The following ZNF304 variants were observed in gnomAD, a reference collection of about 807,000 sequenced individuals.
ZNF304 encodes the protein zinc finger protein 304.
A neutral mutation model predicts 7.8 loss-of-function variants in ZNF304; 7 were observed. The ratio of observed to expected loss-of-function variants is 0.90; its 90% CI spans 0.51 to 1.69. ZNF304 has a LOEUF of 1.69. Ranked by LOEUF, ZNF304 falls within the 40% of genes most tolerant of loss-of-function variation. The probability of loss-of-function intolerance (pLI) is 0.00; values close to 1 mark genes in which losing one functional copy is unlikely to be tolerated. For missense variants in ZNF304, 669 were observed against 804.8 expected, an observed-to-expected ratio of 0.83 and a Z score of 2.04; for synonymous variants, 280 against 272.4, an observed-to-expected ratio of 1.03 and a Z score of -0.27.
intron 2 of ZNF304, among the ~76,000 whole-genome samples, chr19:57,355,012 A>G (rs1043312867): frequency 2.0e-5 from 3 of 152,124 alleles, no homozygotes; most frequent in Non-Finnish European, 4.4e-5. Flanking sequence ...CAGATTCTAC[A>G]CAGCTCAGGT....
At chr19:57,355,971 G>A in intron 2 of ZNF304, 59 bp from the exon 3 acceptor site, 4 of 1,544,206 alleles carry the variant, frequency 2.6e-6, no homozygotes, top group Non-Finnish European at 3.5e-6. Flanking sequence ...CATTTGTGAT[G>A]GGGCTGCTGC....
At chr19:57,353,120 A>G (rs11668232) in intron 1 of ZNF304, among the ~76,000 whole-genome samples, 16,071 of 152,224 alleles carry the variant, frequency 0.11, 1,093 homozygotes, top group South Asian at 0.16. Flanking sequence ...TCAGTAAGAA[A>G]GTTGAAACTG....
rs375628721 is a variant in ZNF304 at position 57,357,192 on chromosome 19, C to T, written c.1323C>T (p.His441=). Residue 441 remains histidine (H), a synonymous_variant, in exon 3 of 3, where the codon CAC becomes CAT. Transcript: ENST00000282286. ...GCCTCATTAAACATCGGAGAGTCCA[C>T]ACAGGAGCAAGATCCTACGTGTGCA... is the stretch of plus-strand genomic sequence containing the variant. ...NSSLIKHRRV[H]TGARSYVCSK... 2.8e-5 allele frequency: 46 copies of T among 1,614,072 alleles called. No individual in the cohort carries two copies. The African/African-American group carries it at 5.2e-4, about 18-fold the overall frequency.
rs768939585 is a variant in ZNF304, at chr19:57,353,772, G to C, written c.81G>C (p.Glu27Asp). The change falls in exon 2 of 3, where the codon GAG (glutamate) becomes GAC (aspartate). Residue 27 changes from glutamate to aspartate, a missense_variant. Transcript: ENST00000282286. ...TGTTCGTGTACTTCTCTCGGGAGGA[G>C]TGGGAACTCCTTGAGGAGGCACAGA... ...EDVFVYFSREEWELLEEAQRF... is the reference protein window; with the variant it reads ...EDVFVYFSREDWELLEEAQRF... 3 of 1,613,798 alleles carry C rather than the reference G, an allele frequency of 1.9e-6. No individual in the cohort carries two copies. In the South Asian group the frequency reaches 3.3e-5, roughly 18 times the overall value.
rs1212777418 is a variant in ZNF304 at position 57,356,080 on chromosome 19, G to A, written c.211G>A (p.Val71Ile). 3 of 1,614,146 alleles carry A rather than the reference G, an allele frequency of 1.9e-6. No homozygotes were observed. The highest frequency in any genetic ancestry group is 2.2e-5 in the East Asian group (1 of 44,884). The change falls in exon 3 of 3, where the codon GTA becomes ATA. Residue 71 changes from valine to isoleucine, a missense_variant. Val to Ile is a conservative substitution (Grantham distance 29). Transcript: ENST00000282286. ...HEAPSEQSVS[V>I]EGVSQVRTAE... ...GGCACCTTCTGAGCAGAGCGTTTCT[G>A]TAGAAGGAGTGTCACAGGTCAGGAC...
At position 57,357,041 on chromosome 19, in the gene ZNF304, A is replaced by G; in HGVS notation, c.1172A>G (p.Tyr391Cys). The G allele has an allele frequency of 1.2e-6, 2 of 1,614,270 alleles. No homozygotes were observed. Among genetic ancestry groups the G allele is most frequent in the Non-Finnish European group, 1.7e-6 (2 of 1,180,044 alleles). ...AGATTTCATACTGGAGAAAGGCCTT[A>G]TGAGTGCAGTGAATGTGGAAAATTC... The part of the protein sequence containing the change: ...HQRFHTGERP[Y>C]ECSECGKFFS... The change falls in exon 3 of 3, where the codon TAT becomes TGT. Residue 391 changes from tyrosine to cysteine, a missense_variant. By Grantham distance (194) the Tyr-to-Cys change is radical. Coordinates refer to ENST00000282286, the MANE Select transcript of ZNF304 (RefSeq NM_020657.4).
Position 57,358,118 on chromosome 19 carries a change from G to A in ZNF304, c.*269G>A. 1 of 407,824 alleles carries A rather than the reference G, an allele frequency of 2.5e-6. No individual in the cohort carries two copies. Among genetic ancestry groups the A allele is most frequent in the South Asian group, 6.2e-5 (1 of 16,062 alleles). 25.3% of individuals were successfully genotyped at this position (407,824 alleles called of 1,614,324 possible). A position where few individuals can be genotyped will look rare whatever the true frequency, so the allele number is the denominator to read the frequency against. On this transcript the variant is annotated 3_prime_UTR_variant, in exon 3 of 3. Transcript: ENST00000282286. ...TATATCACTGCCAGTGCCTGTGGCG[G>A]AAGCCATCTTATTGCTACCAGCTGT...
chr19:57,351,475 C>G lies in ZNF304; in HGVS notation c.-190C>G. 1.6e-6 allele frequency: 1 copy of G among 644,358 alleles called. No homozygotes were observed. Among genetic ancestry groups the G allele is most frequent in the Non-Finnish European group, 2.7e-6 (1 of 373,540 alleles). 39.9% of individuals were successfully genotyped at this position (644,358 alleles called of 1,614,324 possible). On this transcript the variant is annotated 5_prime_UTR_variant, in exon 1 of 3. Transcript: ENST00000282286. The surrounding 1 kb of genome is among the most constrained non-coding windows in gnomAD (Gnocchi z 4.1). ...CGGAGGTGTCTGCCGGGGCTGGGCT[C>G]TTACCGAGGCCTCCACACACGTCCT...
At position 57,356,264 on chromosome 19, in the gene ZNF304, T is replaced by C. The variant is rs773684474; in HGVS notation, c.395T>C (p.Phe132Ser). ...CRRRFSFSAN[F>S]YQHQKQHNGE... The stretch of plus-strand genomic sequence containing the variant: ...AGAAGATTCTCGTTCAGTGCAAACT[T>C]TTACCAGCACCAGAAGCAACATAAT... The change falls in exon 3 of 3, where the codon TTT (phenylalanine) becomes TCT (serine). Residue 132 changes from phenylalanine (F) to serine (S), a missense_variant. Phe to Ser is a radical substitution (Grantham distance 155, BLOSUM62 -2). Transcript: ENST00000282286. 9.8e-5 allele frequency: 158 copies of C among 1,614,004 alleles called. No homozygotes were observed. Among genetic ancestry groups the C allele is most frequent in the Non-Finnish European group, 1.3e-4 (155 of 1,180,014 alleles).
At position 57,357,767 on chromosome 19, in the gene ZNF304, A is replaced by G. The variant is rs1225768018; in HGVS notation, c.1898A>G (p.His633Arg). 2.5e-6 allele frequency: 4 copies of G among 1,614,228 alleles called. No individual in the cohort carries two copies. The highest frequency in any genetic ancestry group is 3.4e-6 in the Non-Finnish European group (4 of 1,180,026). ...AGCAGAAGCTCCCATCTTGTTCGTC[A>G]CCAGAAAGCTCACACTGGAGAAAGA... ...AYSRSSHLVR[H>R]QKAHTGERAH... Residue 633 changes from histidine to arginine, a missense_variant, in exon 3 of 3, where the codon CAC becomes CGC. Physicochemically the swap from His to Arg is conservative, Grantham distance 29. Transcript: ENST00000282286.
Position 57,351,771 on chromosome 19 carries a change from T to TGAAGTGCGCGA in ZNF304, c.33+74_33+75insGAAGTGCGCGA. The TGAAGTGCGCGA allele has an allele frequency of 6.6e-7, 1 of 1,503,994 alleles. No homozygotes were observed. The highest frequency in any genetic ancestry group is 9.0e-7 in the Non-Finnish European group (1 of 1,106,216). The allele number at this position is 1,503,994 out of a possible 1,614,324, so 93.2% of individuals were successfully genotyped here. On this transcript the variant is annotated intron_variant, in intron 1 of 2. Coordinates refer to ENST00000282286, the MANE Select transcript of ZNF304 (RefSeq NM_020657.4). This position sits in a 1 kb window ranked among gnomAD's most constrained non-coding sequence, Gnocchi z 4.1. ...TGGGATGTTCGCTCTCATCGCGCAC[T>TGAAGTGCGCGA]TCAGGGTGCTCACTCCGTCGCATTA...
In ZNF304 at chr19:57,359,812, T is replaced by A. The variant is rs1011308244; in HGVS notation, c.*1963T>A. On this transcript the variant is annotated 3_prime_UTR_variant, in exon 3 of 3. Coordinates refer to ENST00000282286, the MANE Select transcript of ZNF304 (RefSeq NM_020657.4). ...ATTTCATTGTATACCACAATTTTTCTTCTTTGTCAACTTAATTGTTATGGA... is the reference window on the plus strand; with the variant it reads ...ATTTCATTGTATACCACAATTTTTCATCTTTGTCAACTTAATTGTTATGGA... 12 of 152,244 alleles carry A rather than the reference T, an allele frequency of 7.9e-5. No individual in the cohort carries two copies. Among genetic ancestry groups the A allele is most frequent in the Non-Finnish European group, 1.6e-4 (11 of 68,040 alleles). The allele number at this position is 152,244 out of a possible 1,614,324, so 9.4% of individuals were successfully genotyped here.
In ZNF304 at chr19:57,354,166, C is replaced by A. The variant is rs551491683; in HGVS notation, c.160+315C>A. Among the ~76,000 whole-genome samples, 30 of 152,162 alleles carry A rather than the reference C, an allele frequency of 2.0e-4. 1 individual carries two copies. The highest frequency in any genetic ancestry group is 7.0e-4 in the African/African-American group (29 of 41,496). On this transcript the variant is annotated intron_variant, in intron 2 of 2. Transcript: ENST00000282286. ...CTGGGACTATAGGTGCATGCCACCA[C>A]GCCCGGCTATTTTACTTTTTGTAGA... is the stretch of plus-strand genomic sequence containing the variant.
rs759778708 is a variant in ZNF304, at chr19:57,357,205, T to A, written c.1336T>A (p.Ser446Thr). 6.2e-7 allele frequency: 1 copy of A among 1,611,876 alleles called. No individual in the cohort carries two copies. The highest frequency in any genetic ancestry group is 1.1e-5 in the South Asian group (1 of 90,994). Residue 446 changes from serine (S) to threonine (T), a missense_variant, in exon 3 of 3, where the codon TCC becomes ACC. Ser to Thr is a moderately conservative substitution (Grantham distance 58). Transcript: ENST00000282286. ...KHRRVHTGAR[S>T]YVCSKCGKAF... ...TCGGAGAGTCCACACAGGAGCAAGA[T>A]CCTACGTGTGCAGCAAATGTGGGAA...
intron 2 of ZNF304, 119 bp from the exon 3 acceptor site, chr19:57,355,911 C>A: frequency 1.7e-6 from 2 of 1,145,382 alleles, no homozygotes; most frequent in South Asian, 3.0e-5. Context: ...CTGATCCTGG[C>A]CCTCTTGTCC....
Position 57,351,514 on chromosome 19 carries a change from C to A in ZNF304, c.-151C>A, listed in dbSNP as rs565909977. ...CACACACGTCCTCTTGTCCTTGTCT[C>A]CCCCAGAAGCAGCCGCCTTAGTCTT... On this transcript the variant is annotated 5_prime_UTR_variant, in exon 1 of 3. Transcript: ENST00000282286. This position sits in a 1 kb window ranked among gnomAD's most constrained non-coding sequence, Gnocchi z 4.1. 1 of 929,872 alleles carries A rather than the reference C, an allele frequency of 1.1e-6. No individual in the cohort carries two copies. The highest frequency in any genetic ancestry group is 1.4e-5 in the South Asian group (1 of 69,298). 57.6% of individuals were successfully genotyped at this position (929,872 alleles called of 1,614,324 possible).
chr19:57,356,035 T>C lies in ZNF304; in HGVS notation c.166T>C (p.Trp56Arg), dbSNP rs777253381. 3.8e-6 allele frequency: 6 copies of C among 1,594,670 alleles called. No homozygotes were observed. The highest frequency in any genetic ancestry group is 3.4e-5 in the South Asian group (3 of 89,058). ...CAGCTCTTTTTTGCTTTCAGGTTTT[T>C]GGTGTGAAGCAGAACATGAGGCACC... ...NFALVATLGF[W>R]CEAEHEAPSE... Residue 56 changes from tryptophan to arginine, a missense_variant, in exon 3 of 3, where the codon TGG (tryptophan) becomes CGG (arginine). By Grantham distance (101) the Trp-to-Arg change is moderately radical. Transcript: ENST00000282286.
At chr19:57,353,012 G>A (rs1381508753) in intron 1 of ZNF304, among the ~76,000 whole-genome samples, 1 of 152,178 alleles carries the variant, frequency 6.6e-6, no homozygotes, top group Non-Finnish European at 1.5e-5. Context: ...CAGGTTTTTA[G>A]TTCTGGGGAA....
chr19:57,355,715 C>T (rs983195157), intron 2 of ZNF304, among the ~76,000 whole-genome samples: 1 of 152,168 alleles, frequency 6.6e-6, no homozygotes, highest in Non-Finnish European at 1.5e-5. Context: ...CATGGACATA[C>T]CCATCTGCAC....
Sources: allele counts gnomAD v4.1 joint callset (sites outside exome capture counted in the v4.1 genomes callset), GRCh38; gene constraint gnomAD v4.1.1; non-coding constraint Gnocchi (gnomAD v3.1); transcripts MANE v1.5; gene names NCBI Gene and HGNC (gene_info 2026-07-23, HGNC 2026-07-21).